The following TRIM36 variants were observed in gnomAD, a reference collection of about 807,000 sequenced individuals.
TRIM36 encodes tripartite motif containing 36, also known as E3 ubiquitin-protein ligase TRIM36.
TRIM36 carries 42 observed loss-of-function variants against 72.4 expected under a neutral mutation model. That is an observed-to-expected ratio of 0.58 (90% CI 0.45 to 0.75). TRIM36 has a LOEUF of 0.75. Ranked by LOEUF, TRIM36 falls within the 30% of genes least tolerant of loss-of-function variation. The pLI is 0.00. For synonymous variants in TRIM36, 315 were observed against 282.8 expected (o/e 1.11, Z -1.14); for missense variants, 913 against 857.1 (o/e 1.07, Z -0.81).
At chr5:115,150,053 C>G (rs897834251) in intron 2 of TRIM36, among the ~76,000 whole-genome samples, 2 of 152,202 alleles carry the variant, frequency 1.3e-5, no homozygotes, top group Non-Finnish European at 2.9e-5. Context: ...GCCACCGTGC[C>G]TGGCCCAATG....
At chr5:115,161,184 G>A (rs1561442805) in intron 2 of TRIM36, among the ~76,000 whole-genome samples, 1 of 148,604 alleles carries the variant, frequency 6.7e-6, no homozygotes, top group East Asian at 2.0e-4. Flanking sequence ...ATGCTAAGGG[G>A]TATGTGTCTT....
rs1754596767 is a variant in TRIM36, at chr5:115,163,520, G to A, written c.260C>T (p.Pro87Leu). 6.2e-7 allele frequency: 1 copy of A among 1,613,086 alleles called. No homozygotes were observed. Among genetic ancestry groups the A allele is most frequent in the African/African-American group, 1.3e-5 (1 of 74,870 alleles). Residue 87 changes from proline (P) to leucine (L), a missense_variant and splice_region_variant, in exon 2 of 10, where the codon CCA becomes CTA. Transcript: ENST00000513154. ...CAGCCCACAGTTCTAACACATACCTGGTCTGTTAATTCGGTCAATTTTATC... is the reference window on the plus strand; with the variant it reads ...CAGCCCACAGTTCTAACACATACCTAGTCTGTTAATTCGGTCAATTTTATC... ...SMDKIDRINR[P>L]GWKRNSLTPR...
intron 1 of TRIM36, among the ~76,000 whole-genome samples, chr5:115,175,128 T>C (rs1755276755): frequency 6.6e-6 from 1 of 151,130 alleles, no homozygotes; most frequent in Non-Finnish European, 1.5e-5. Flanking sequence ...TAGTATATGT[T>C]CCAAATATCA....
At chr5:115,143,717 T>C (rs1206534504) in intron 4 of TRIM36, among the ~76,000 whole-genome samples, 1 of 152,176 alleles carries the variant, frequency 6.6e-6, no homozygotes, top group African/African-American at 2.4e-5. Context: ...AAATGGGTAG[T>C]AGGTACATAG....
At chr5:115,168,967 C>T (rs1754935043) in intron 1 of TRIM36, 1 of 152,186 alleles carries the variant, frequency 6.6e-6, no homozygotes, top group African/African-American at 2.4e-5. Flanking sequence ...TATTTCTTAC[C>T]CAAGAGAAAA....
chr5:115,148,415 CTTTTTTTTT>C (rs146223001), intron 2 of TRIM36: 6 of 505,542 alleles, frequency 1.2e-5, no homozygotes, highest in Non-Finnish European at 1.2e-5. Flanking sequence ...TAAATCTGTT[CTTTTTTTTT>C]TTTTTTTTTT....
intron 2 of TRIM36, among the ~76,000 whole-genome samples, chr5:115,159,173 A>G (rs566053320): frequency 6.6e-6 from 1 of 152,356 alleles, no homozygotes; most frequent in East Asian, 1.9e-4. Flanking sequence ...AGTACTTTAA[A>G]ACATCAACAA....
intron 2 of TRIM36, among the ~76,000 whole-genome samples, chr5:115,155,151 T>C (rs1332421875): frequency 1.3e-5 from 2 of 152,148 alleles, no homozygotes; most frequent in Non-Finnish European, 2.9e-5. Context: ...ATCGTGCTGT[T>C]GCACTTCAGC....
At chr5:115,167,806 C>G (rs1754871492) in intron 1 of TRIM36, among the ~76,000 whole-genome samples, 1 of 152,208 alleles carries the variant, frequency 6.6e-6, no homozygotes, top group Non-Finnish European at 1.5e-5. Flanking sequence ...GTGCCCACTA[C>G]CTTGGTACCA....
chr5:115,173,671 G>A (rs1036289194), upstream of TRIM36, among the ~76,000 whole-genome samples: 1 of 152,152 alleles, frequency 6.6e-6, no homozygotes, highest in Non-Finnish European at 1.5e-5. Flanking sequence ...AGGCTTTTTA[G>A]CAGGAATGGC....
chr5:115,166,063 C>T (rs904739901), intron 1 of TRIM36, among the ~76,000 whole-genome samples: 1 of 152,098 alleles, frequency 6.6e-6, no homozygotes, highest in Admixed American at 6.5e-5. Flanking sequence ...CTGCAGGCGT[C>T]CCTCAGCTAA....
At chr5:115,136,895 TG>T (rs773864912) in intron 7 of TRIM36, 104 bp downstream of exon 7, 1 of 1,149,144 alleles carries the variant, frequency 8.7e-7, no homozygotes, top group Non-Finnish European at 1.2e-6. Flanking sequence ...CCTGGGCAAG[TG>T]AGATGCTGCT....
intron 1 of TRIM36, among the ~76,000 whole-genome samples, chr5:115,178,960 G>A (rs1200490135): frequency 6.6e-6 from 1 of 152,090 alleles, no homozygotes. Flanking sequence ...GTGGGGTGTG[G>A]GACTGCAGGG....
rs780312813 is a variant in TRIM36, at chr5:115,144,624, T to C, written c.709A>G (p.Met237Val). 2.5e-6 allele frequency: 4 copies of C among 1,614,026 alleles called. No individual in the cohort carries two copies. The highest frequency in any genetic ancestry group is 4.5e-5 in the East Asian group (2 of 44,868). The change falls in exon 4 of 10, where the codon ATG (methionine) becomes GTG (valine). Residue 237 changes from methionine (M) to valine (V), a missense_variant. Transcript: ENST00000513154. ...TTTAAGGTTTTGTAGGCACTGCTCA[T>C]AGTGGTTACACGGTGGTTGGCATGA... ...GNHANHRVTTMSSAYKTLKEK... is the reference protein window; with the variant it reads ...GNHANHRVTTVSSAYKTLKEK...
At position 115,130,766 on chromosome 5, in the gene TRIM36, T is replaced by C; in HGVS notation, c.1622A>G (p.Gln541Arg). Residue 541 changes from glutamine (Q) to arginine (R), a missense_variant, in exon 9 of 10, where the codon CAA becomes CGA. Gln to Arg is a conservative substitution (Grantham distance 43). Coordinates refer to ENST00000513154, the MANE Select transcript of TRIM36 (RefSeq NM_001300759.2). ...GTCTAAGCTTGTGTAATAACCCACTTGGATGCGTTCTGCAGCAAGCAGAAG... is the reference window on the plus strand; with the variant it reads ...GTCTAAGCTTGTGTAATAACCCACTCGGATGCGTTCTGCAGCAAGCAGAAG... ...FNLLLAAERI[Q>R]VGYYTSLDYI... 2 of 1,614,152 alleles carry C rather than the reference T, an allele frequency of 1.2e-6. No individual in the cohort carries two copies. The highest frequency in any genetic ancestry group is 1.7e-6 in the Non-Finnish European group (2 of 1,180,032).
chr5:115,128,612 C>A (rs1003009197), intron 9 of TRIM36, among the ~76,000 whole-genome samples: 3 of 144,160 alleles, frequency 2.1e-5, no homozygotes, highest in African/African-American at 2.5e-5. Flanking sequence ...ATTAGCCGGG[C>A]GCGGTGGCGG....
intron 2 of TRIM36, among the ~76,000 whole-genome samples, chr5:115,162,787 G>A (rs1301693833): frequency 6.6e-6 from 1 of 152,036 alleles, no homozygotes; most frequent in Non-Finnish European, 1.5e-5. Context: ...GGCAGCAAGG[G>A]AGGAAACATA....
intron 1 of TRIM36, 118 bp downstream of exon 1, chr5:115,169,490 C>T: frequency 1.7e-6 from 2 of 1,152,200 alleles, no homozygotes; most frequent in Non-Finnish European, 1.2e-6. Flanking sequence ...GATCCCCACA[C>T]GCCTGCCTTT....
rs1752329447 is a variant in TRIM36 at position 115,125,604 on chromosome 5, T to C, written c.*899A>G. On this transcript the variant is annotated 3_prime_UTR_variant, in exon 10 of 10. Transcript: ENST00000513154. ...GTAATAATTGGGCCAAAAATGAAAA[T>C]CACAAAACACAGTAAGGGGGTAAAA... 1 of 151,892 alleles carries C rather than the reference T, an allele frequency of 6.6e-6. No individual in the cohort carries two copies. Among genetic ancestry groups the C allele is most frequent in the African/African-American group, 2.4e-5 (1 of 41,386 alleles). The allele number at this position is 151,892 out of a possible 1,614,324, so 9.4% of individuals were successfully genotyped here.
Sources: gnomAD v4.1 joint callset for allele counts (sites outside exome capture counted in the v4.1 genomes callset) on GRCh38, gnomAD v4.1.1 for gene constraint, MANE v1.5 for transcripts, NCBI Gene and HGNC (gene_info 2026-07-23, HGNC 2026-07-21) for gene names.